The following TOM1L2 variants were observed in gnomAD, a reference collection of about 807,000 sequenced individuals.
TOM1L2 encodes the protein TOM1-like protein 2.
TOM1L2 carries 31 observed loss-of-function variants against 67.9 expected under a neutral mutation model. The observed-to-expected ratio is 0.46, with a 90% CI of 0.34 to 0.62. The LOEUF (loss-of-function observed/expected upper bound fraction) is 0.62, where lower values mean the gene tolerates loss of function less well. Ranked by LOEUF, TOM1L2 falls within the 20% of genes least tolerant of loss-of-function variation. The probability of loss-of-function intolerance (pLI) is 0.01; values close to 1 mark genes in which losing one functional copy is unlikely to be tolerated. For synonymous variants in TOM1L2, 256 were observed against 254.0 expected (o/e 1.01, Z -0.07); for missense variants, 606 against 663.5 (o/e 0.91, Z 0.95).
At chr17:17,889,673 T>C (rs1262385473) in intron 4 of TOM1L2, among the ~76,000 whole-genome samples, 1 of 152,192 alleles carries the variant, frequency 6.6e-6, no homozygotes, top group African/African-American at 2.4e-5. Flanking sequence ...GCTAACACAT[T>C]CGATCTACTT....
intron 1 of TOM1L2, among the ~76,000 whole-genome samples, chr17:17,971,454 A>C (rs1378786668): frequency 1.3e-5 from 2 of 152,042 alleles, no homozygotes; most frequent in Non-Finnish European, 2.9e-5. Flanking sequence ...CCCTGCCAAG[A>C]TAATCACCCT....
chr17:17,968,879 C>G (rs892036335), intron 1 of TOM1L2, among the ~76,000 whole-genome samples: 5 of 152,046 alleles, frequency 3.3e-5, no homozygotes, highest in Admixed American at 2.0e-4. Context: ...CCTACCCATC[C>G]TTTATGAACA....
At chr17:17,848,998 C>T in intron 13 of TOM1L2, 139 bp from the exon 14 acceptor site, 1 of 704,508 alleles carries the variant, frequency 1.4e-6, no homozygotes, top group Non-Finnish European at 2.4e-6. Flanking sequence ...TTCCCTGTTT[C>T]CAGATTTCTG....
At chr17:17,884,862 T>TG (rs1346623541) in intron 4 of TOM1L2, 94 bp from the exon 5 acceptor site, 4 of 1,528,016 alleles carry the variant, frequency 2.6e-6, no homozygotes, top group Non-Finnish European at 3.6e-6. Flanking sequence ...CCGAGACCAG[T>TG]GCTCTCCTAC....
chr17:17,956,028 G>C (rs1252300559), intron 1 of TOM1L2, among the ~76,000 whole-genome samples: 1 of 152,218 alleles, frequency 6.6e-6, no homozygotes, highest in Non-Finnish European at 1.5e-5. Flanking sequence ...CAGTGTTACA[G>C]CTCATAAAAG....
At chr17:17,893,408 C>G in intron 4 of TOM1L2, among the ~76,000 whole-genome samples, 1 of 152,244 alleles carries the variant, frequency 6.6e-6, no homozygotes, top group South Asian at 2.1e-4. Context: ...GCCACCCTAC[C>G]TGCCTTTGTG....
chr17:17,850,498 A>C (rs2035901419), intron 13 of TOM1L2, among the ~76,000 whole-genome samples: 1 of 151,784 alleles, frequency 6.6e-6, no homozygotes. Context: ...AGAAATGAAA[A>C]CAAAACAAAA....
intron 1 of TOM1L2, among the ~76,000 whole-genome samples, chr17:17,918,726 A>T (rs546249719): frequency 3.6e-4 from 55 of 152,268 alleles, no homozygotes; most frequent in African/African-American, 1.3e-3. Flanking sequence ...CCAGCACCTG[A>T]TAGTACAGTT....
At chr17:17,906,972 G>A (rs1046611094) in intron 2 of TOM1L2, among the ~76,000 whole-genome samples, 3 of 152,226 alleles carry the variant, frequency 2.0e-5, no homozygotes, top group Non-Finnish European at 1.5e-5. Flanking sequence ...GAGGGGCAAC[G>A]TGTTCTAAGT....
At chr17:17,852,759 GGAGGCT>G (rs2036044004) in intron 12 of TOM1L2, among the ~76,000 whole-genome samples, 1 of 151,760 alleles carries the variant, frequency 6.6e-6, no homozygotes, top group Non-Finnish European at 1.5e-5. Context: ...CAGCTACTGG[GGAGGCT>G]GAGGCAGGAG....
rs1191502051 is a variant in TOM1L2 at position 17,927,663 on chromosome 17, C to CT, written c.53-20133dup. The stretch of plus-strand genomic sequence containing the variant: ...ATATGATAATAAGCTGTTGGCTATA[C>CT]TTTTTTTTTTTTTTTTTGAGACAGG... On this transcript the variant is annotated intron_variant, in intron 1 of 14. Coordinates refer to ENST00000379504, the MANE Select transcript of TOM1L2 (RefSeq NM_001082968.2). Among the ~76,000 whole-genome samples the CT allele has an allele frequency of 2.8e-3, 394 of 139,340 alleles. 1 individual carries two copies. The highest frequency in any genetic ancestry group is 3.5e-3 in the East Asian group (17 of 4,820). The allele number at this position is 139,340 out of a possible 152,430, so 91.4% of individuals were successfully genotyped here.
chr17:17,871,878 T>G, intron 7 of TOM1L2: 1 of 729,202 alleles, frequency 1.4e-6, no homozygotes, highest in Non-Finnish European at 1.7e-6. Context: ...TACAGACAAG[T>G]GCTAGAATTA....
At chr17:17,885,823 G>A (rs530238240) in intron 4 of TOM1L2, among the ~76,000 whole-genome samples, 51 of 151,096 alleles carry the variant, frequency 3.4e-4, no homozygotes, top group African/African-American at 9.7e-4. Flanking sequence ...TACTCAGGAG[G>A]CTGAGGCAGG....
chr17:17,964,585 A>G (rs1320220997), intron 1 of TOM1L2, among the ~76,000 whole-genome samples: 2 of 152,056 alleles, frequency 1.3e-5, no homozygotes, highest in East Asian at 1.9e-4. Context: ...TCGGTTATAC[A>G]TCGTTTTGTA....
At chr17:17,945,261 C>T (rs965948258) in intron 1 of TOM1L2, among the ~76,000 whole-genome samples, 6 of 149,530 alleles carry the variant, frequency 4.0e-5, no homozygotes, top group African/African-American at 1.5e-4. Context: ...TCACCACACA[C>T]ACACATACAC....
rs768193109 is a variant in TOM1L2 at position 17,869,360 on chromosome 17, G to A, written c.891C>T (p.Asn297=). The change falls in exon 8 of 15, where the codon AAC becomes AAT. Residue 297 remains asparagine, a synonymous_variant. Transcript: ENST00000379504. ...ELLHVNDDLN[N]VFLRYERFER... is the part of the protein sequence containing the mutation. Reference sequence around the variant, plus strand: ...CCCACCTCTCGTATCGAAGGAAGACGTTGTTGAGGTCATCGTTCACATGCA... The same window carrying A: ...CCCACCTCTCGTATCGAAGGAAGACATTGTTGAGGTCATCGTTCACATGCA... The A allele has an allele frequency of 5.3e-5, 86 of 1,611,922 alleles. 1 individual carries two copies. In the South Asian group the frequency reaches 8.6e-4, roughly 16 times the overall value.
chr17:17,919,634 G>C (rs1032694235), intron 1 of TOM1L2, among the ~76,000 whole-genome samples: 1 of 152,222 alleles, frequency 6.6e-6, no homozygotes, highest in Non-Finnish European at 1.5e-5. Context: ...TGGACCCCAG[G>C]AAGTGGGGCA....
chr17:17,943,641 T>A (rs1347378412), intron 1 of TOM1L2, among the ~76,000 whole-genome samples: 1 of 152,100 alleles, frequency 6.6e-6, no homozygotes, highest in African/African-American at 2.4e-5. Flanking sequence ...CTTCCTCCAC[T>A]CTCTCTTTCC....
intron 1 of TOM1L2, among the ~76,000 whole-genome samples, chr17:17,936,558 T>C (rs1224340803): frequency 1.3e-5 from 2 of 151,980 alleles, no homozygotes; most frequent in African/African-American, 2.4e-5. Flanking sequence ...GCATTAATTA[T>C]AATAGCAAGG....
Sources: allele counts gnomAD v4.1 joint callset (sites outside exome capture counted in the v4.1 genomes callset), GRCh38; gene constraint gnomAD v4.1.1; transcripts MANE v1.5; gene names NCBI Gene and HGNC (gene_info 2026-07-23, HGNC 2026-07-21).